Variants in YY1AP1 observed in about 807,000 individuals in gnomAD.
YY1AP1 encodes YY1 associated protein 1.
YY1AP1 carries 43 observed loss-of-function variants against 39.9 expected under a neutral mutation model. That is an observed-to-expected ratio of 1.08 (90% CI 0.84 to 1.39). The LOEUF is 1.39. Ranked by LOEUF, YY1AP1 falls within the 40% of genes most tolerant of loss-of-function variation. The probability of loss-of-function intolerance (pLI) is 0.00; values close to 1 mark genes in which losing one functional copy is unlikely to be tolerated. For synonymous variants in YY1AP1, 292 were observed against 331.3 expected (o/e 0.88, Z 1.29); for missense variants, 813 against 900.7 (o/e 0.90, Z 1.25).
chr1:155,660,901 AT>A lies in YY1AP1; in HGVS notation c.1008del (p.Ser337ProfsTer16). The A allele has an allele frequency of 6.2e-7, 1 of 1,614,164 alleles. No homozygotes were observed. The highest frequency in any genetic ancestry group is 8.5e-7 in the Non-Finnish European group (1 of 1,180,038). On this transcript the variant is annotated frameshift_variant, in exon 11 of 11. Transcript: ENST00000355499. LOFTEE classifies it low-confidence loss of function (END_TRUNC). Reference protein sequence around the residue: ...RLPFWLKASLPSIQEELRHMA... With the variant: ...RLPFWLKASLXSIQEELRHMA... ...ATGTGCCGCAGTTCTTCCTGGATGG[AT>A]GGCAGACTGGCCTATTGGAAATGAG... is the stretch of plus-strand genomic sequence containing the variant.
intron 3 of YY1AP1, among the ~76,000 whole-genome samples, chr1:155,680,198 A>G (rs1651319522): frequency 1.4e-5 from 2 of 147,616 alleles, no homozygotes; most frequent in Admixed American, 1.4e-4. Context: ...AAAAAAAAAA[A>G]GCTTCAAGGA....
intron 4 of YY1AP1, chr1:155,679,084 C>A: frequency 7.3e-6 from 9 of 1,226,566 alleles, no homozygotes; most frequent in Non-Finnish European, 9.3e-6. Flanking sequence ...AAGGGACAGA[C>A]TGGATATTAC....
chr1:155,668,690 G>A lies in YY1AP1; in HGVS notation c.816C>T (p.Ala272=). Residue 272 remains alanine (A), a synonymous_variant, in exon 9 of 11, where the codon GCC becomes GCT. Transcript: ENST00000355499. The part of the protein sequence containing the change: ...ISKYLLTCKT[A]RQLTVRIKNL... ...TCTTGATTCTCACTGTCAGTTGGCGGGCAGTCTTGCAGGTTAGAAGGTACT... is the reference window on the plus strand; with the variant it reads ...TCTTGATTCTCACTGTCAGTTGGCGAGCAGTCTTGCAGGTTAGAAGGTACT... 6.2e-7 allele frequency: 1 copy of A among 1,614,120 alleles called. No homozygotes were observed. The highest frequency in any genetic ancestry group is 8.5e-7 in the Non-Finnish European group (1 of 1,180,036).
chr1:155,688,875 C>T (rs374163667), upstream of YY1AP1: 9 of 1,609,330 alleles, frequency 5.6e-6, no homozygotes, highest in African/African-American at 8.0e-5. Flanking sequence ...GCGAGTCTGG[C>T]TTGCCGTTTG....
At chr1:155,686,252 G>GTC (rs1479316364) in intron 2 of YY1AP1, among the ~76,000 whole-genome samples, 3 of 151,898 alleles carry the variant, frequency 2.0e-5, no homozygotes, top group Non-Finnish European at 1.5e-5. Context: ...AGCCAGGATA[G>GTC]TCTCGATCTC....
At chr1:155,674,092 C>T (rs1031296963) in intron 6 of YY1AP1, among the ~76,000 whole-genome samples, 3 of 136,658 alleles carry the variant, frequency 2.2e-5, no homozygotes, top group Admixed American at 7.9e-5. Flanking sequence ...ACCCGGGAGG[C>T]GGAGCTTGCA....
intron 6 of YY1AP1, 108 bp downstream of exon 6, chr1:155,674,902 T>C (rs187193500): frequency 2.7e-5 from 25 of 937,160 alleles, no homozygotes; most frequent in African/African-American, 6.6e-5. Flanking sequence ...TCAGCAAACA[T>C]AGGAAGCCAC....
intron 3 of YY1AP1, 35 bp from the exon 4 acceptor site, chr1:155,679,547 A>T: frequency 6.2e-7 from 1 of 1,613,972 alleles, no homozygotes. Context: ...TTTCCTGGGG[A>T]ATGGGCTTTT....
At chr1:155,661,123 T>C (rs1288096400) in intron 10 of YY1AP1, 184 bp downstream of exon 10, 11 of 1,516,202 alleles carry the variant, frequency 7.3e-6, no homozygotes, top group African/African-American at 4.2e-5. Context: ...ACCCATTATT[T>C]TGAAAATGTT....
chr1:155,661,879 A>C (rs1648219123), intron 9 of YY1AP1, among the ~76,000 whole-genome samples: 1 of 152,006 alleles, frequency 6.6e-6, no homozygotes, highest in Non-Finnish European at 1.5e-5. Flanking sequence ...GATGGTCTCG[A>C]TCTCCTGACC....
Position 155,659,838 on chromosome 1 carries a change from C to G in YY1AP1, c.2072G>C (p.Gly691Ala). ...GCGATAGGCACTGTTCTCTGACAAT[C>G]CTTCTTGGCACTGTTTATCGACTGG... Reference protein sequence around the residue: ...PPPVDKQCQEGLSENSAYRWT... With the variant: ...PPPVDKQCQEALSENSAYRWT... Residue 691 changes from glycine (G) to alanine (A), a missense_variant, in exon 11 of 11, where the codon GGA becomes GCA. By Grantham distance (60) the Gly-to-Ala change is moderately conservative (BLOSUM62 0). Transcript: ENST00000355499. 1.2e-6 allele frequency: 2 copies of G among 1,614,230 alleles called. No individual in the cohort carries two copies. Among genetic ancestry groups the G allele is most frequent in the Non-Finnish European group, 1.7e-6 (2 of 1,180,048 alleles).
chr1:155,679,594 C>T, intron 3 of YY1AP1, 82 bp from the exon 4 acceptor site: 1 of 1,607,608 alleles, frequency 6.2e-7, no homozygotes, highest in African/African-American at 1.3e-5. Flanking sequence ...AAAGTGAAAA[C>T]TATAAACAAT....
chr1:155,681,684 T>G (rs1003139917), intron 2 of YY1AP1, among the ~76,000 whole-genome samples: 1 of 152,158 alleles, frequency 6.6e-6, no homozygotes, highest in Non-Finnish European at 1.5e-5. Flanking sequence ...ATCAGTGAAT[T>G]AGAAGACCAA....
At position 155,660,072 on chromosome 1, in the gene YY1AP1, A is replaced by G. The variant is rs762805386; in HGVS notation, c.1838T>C (p.Val613Ala). The G allele has an allele frequency of 6.2e-6, 10 of 1,614,098 alleles. No individual in the cohort carries two copies. ...ATTGCCAGAAACAATTAAGGGTGAGACAGAGGAGGCCACAAGGGGCTGGTT... is the reference window on the plus strand; with the variant it reads ...ATTGCCAGAAACAATTAAGGGTGAGGCAGAGGAGGCCACAAGGGGCTGGTT... ...PLNQPLVASSVSPLIVSGNSV... is the reference protein window; with the variant it reads ...PLNQPLVASSASPLIVSGNSV... Residue 613 changes from valine (V) to alanine (A), a missense_variant, in exon 11 of 11, where the codon GTC becomes GCC. Val to Ala is a moderately conservative substitution (Grantham distance 64). Transcript: ENST00000355499.
In YY1AP1 at chr1:155,668,617, A is replaced by G; in HGVS notation, c.879+10T>C. The G allele has an allele frequency of 6.2e-7, 1 of 1,614,146 alleles. No homozygotes were observed. The highest frequency in any genetic ancestry group is 8.5e-7 in the Non-Finnish European group (1 of 1,180,014). On this transcript the variant is annotated intron_variant, in intron 9 of 10. Transcript: ENST00000355499. ...GAGGTGCCTGGATAGTGCATGCAGG[A>G]AACACTCACTTTAATGATGTTGTCA...
chr1:155,683,972 G>T (rs1384306882), intron 2 of YY1AP1, among the ~76,000 whole-genome samples: 2 of 152,190 alleles, frequency 1.3e-5, no homozygotes, highest in Non-Finnish European at 2.9e-5. Flanking sequence ...CCTGGGCCAG[G>T]TGCAGTGGCT....
chr1:155,666,343 G>T (rs181195622), intron 9 of YY1AP1, among the ~76,000 whole-genome samples: 120 of 152,170 alleles, frequency 7.9e-4, no homozygotes, highest in African/African-American at 2.7e-3. Flanking sequence ...GGATGGTCTC[G>T]ATTTCCTGAC....
chr1:155,686,250 T>G (rs1428890853), intron 2 of YY1AP1, among the ~76,000 whole-genome samples: 1 of 151,922 alleles, frequency 6.6e-6, no homozygotes. Context: ...TTAGCCAGGA[T>G]AGTCTCGATC....
At position 155,688,170 on chromosome 1, in the gene YY1AP1, G is replaced by A; in HGVS notation, c.-120C>T. 1 of 1,614,002 alleles carries A rather than the reference G, an allele frequency of 6.2e-7. No individual in the cohort carries two copies. On this transcript the variant is annotated 5_prime_UTR_variant, in exon 2 of 11. Coordinates refer to ENST00000355499, the MANE Select transcript of YY1AP1 (RefSeq NM_139119.3). ...CCTGGGTCCACCGCGGATCCCTCCCGCTTGTCAGGAGGCGGCCAGCGGGTA... is the reference window on the plus strand; with the variant it reads ...CCTGGGTCCACCGCGGATCCCTCCCACTTGTCAGGAGGCGGCCAGCGGGTA...
Sources: gnomAD v4.1 joint callset for allele counts (sites outside exome capture counted in the v4.1 genomes callset) on GRCh38, gnomAD v4.1.1 for gene constraint, MANE v1.5 for transcripts, NCBI Gene and HGNC (gene_info 2026-07-23, HGNC 2026-07-21) for gene names.